Variants in GALNT2 observed in about 807,000 individuals in gnomAD.
GALNT2 encodes the protein polypeptide N-acetylgalactosaminyltransferase 2.
Under a neutral mutation model 81.4 loss-of-function variants are expected in GALNT2, and 31 were observed. The observed-to-expected ratio is 0.38, with a 90% CI of 0.29 to 0.51. The LOEUF (loss-of-function observed/expected upper bound fraction) is 0.51, where lower values mean the gene tolerates loss of function less well. Among genes scored for constraint, GALNT2 ranks in the 20% least tolerant of loss-of-function variants. GALNT2 has a pLI of 0.87. For missense variants in GALNT2, 629 were observed against 765.7 expected (o/e 0.82, Z 2.11); for synonymous variants, 303 against 287.4 (o/e 1.05, Z -0.55).
At chr1:230,214,408 G>A (rs975744821) in intron 3 of GALNT2, among the ~76,000 whole-genome samples, 1 of 152,080 alleles carries the variant, frequency 6.6e-6, no homozygotes, top group Non-Finnish European at 1.5e-5. Context: ...CACCACGCCC[G>A]GCTTACTTTT....
At chr1:230,130,457 G>C (rs1278044553) in intron 1 of GALNT2, among the ~76,000 whole-genome samples, 1 of 152,198 alleles carries the variant, frequency 6.6e-6, no homozygotes, top group Non-Finnish European at 1.5e-5. Context: ...GTTGTGAAGG[G>C]TTTGGGAGCC....
At chr1:230,107,486 G>A (rs951731728) in intron 1 of GALNT2, among the ~76,000 whole-genome samples, 3 of 152,054 alleles carry the variant, frequency 2.0e-5, no homozygotes, top group Non-Finnish European at 2.9e-5. Context: ...AGGCTGAGAC[G>A]GGAGCATTGC....
Position 230,243,577 on chromosome 1 carries a change from G to C in GALNT2, c.729+150G>C. On this transcript the variant is annotated intron_variant, in intron 7 of 15. Transcript: ENST00000366672. This position sits in a 1 kb window ranked among gnomAD's most constrained non-coding sequence, Gnocchi z 4.2. ...TCGCCGTCTGCAGTTTTCCTTGATA[G>C]AAGGAAAATGCCTTTGGGGCATTGT... is the stretch of plus-strand genomic sequence containing the variant. 5 of 967,140 alleles carry C rather than the reference G, an allele frequency of 5.2e-6. No homozygotes were observed. Among genetic ancestry groups the C allele is most frequent in the Non-Finnish European group, 7.2e-6 (5 of 690,756 alleles). 59.9% of individuals were successfully genotyped at this position (967,140 alleles called of 1,614,324 possible). A position where few individuals can be genotyped will look rare whatever the true frequency, so the allele number is the denominator to read the frequency against.
At chr1:230,060,148 A>G (rs1659010543) in intron 1 of GALNT2, among the ~76,000 whole-genome samples, 1 of 152,208 alleles carries the variant, frequency 6.6e-6, no homozygotes, top group Non-Finnish European at 1.5e-5. Flanking sequence ...GTCTTTCACA[A>G]TAGCCAAAGT....
At position 230,117,100 on chromosome 1, in the gene GALNT2, C is replaced by T. The variant is rs1044421998; in HGVS notation, c.126+49694C>T. On this transcript the variant is annotated intron_variant, in intron 1 of 15. Transcript: ENST00000366672. ...GCAGCTTCTCCATCAGCACTTGCTG[C>T]TTCACCTTGCACGTTTATGGTATGG... Among the ~76,000 whole-genome samples, 13 of 152,362 alleles carry T rather than the reference C, an allele frequency of 8.5e-5. No homozygotes were observed. The South Asian group carries it at 1.0e-3, about 12-fold the overall frequency.
At chr1:230,101,269 A>T (rs1185458925) in intron 1 of GALNT2, among the ~76,000 whole-genome samples, 1 of 152,252 alleles carries the variant, frequency 6.6e-6, no homozygotes, top group Non-Finnish European at 1.5e-5. Context: ...AATGTGTCAT[A>T]TGGCAAGGGT....
chr1:230,130,589 C>T (rs1273207477), intron 1 of GALNT2, among the ~76,000 whole-genome samples: 1 of 152,154 alleles, frequency 6.6e-6, no homozygotes, highest in African/African-American at 2.4e-5. Flanking sequence ...ACACCGGGCC[C>T]TGGGGACCGA....
chr1:230,058,674 A>T (rs1413082401), intron 1 of GALNT2, among the ~76,000 whole-genome samples: 1 of 152,244 alleles, frequency 6.6e-6, no homozygotes, highest in Non-Finnish European at 1.5e-5. Flanking sequence ...ATTAATGTTT[A>T]TATGTTCAGG....
chr1:230,117,816 A>G (rs900735186), intron 1 of GALNT2, among the ~76,000 whole-genome samples: 2 of 152,228 alleles, frequency 1.3e-5, no homozygotes, highest in Admixed American at 6.5e-5. Flanking sequence ...AAAAAATGGC[A>G]GTGATAGACT....
intron 9 of GALNT2, 84 bp from the exon 10 acceptor site, chr1:230,250,373 G>T (rs1665505766): frequency 2.1e-6 from 2 of 954,552 alleles, no homozygotes; most frequent in Non-Finnish European, 1.7e-6. Context: ...GGGAATCAAG[G>T]CTTGGCCTTG....
At chr1:230,111,147 GCATGCACACATGTACACAGCACA>G (rs1468875956) in intron 1 of GALNT2, among the ~76,000 whole-genome samples, 1 of 152,236 alleles carries the variant, frequency 6.6e-6, no homozygotes, top group Non-Finnish European at 1.5e-5. Context: ...GCGTATCTGT[GCATGCACACATGTACACAGCACA>G]CATGCACACA....
intron 1 of GALNT2, among the ~76,000 whole-genome samples, chr1:230,069,124 G>A (rs1363661223): frequency 6.6e-6 from 1 of 152,178 alleles, no homozygotes; most frequent in East Asian, 1.9e-4. Context: ...TAGTACACGT[G>A]ATTAGAAAGA....
chr1:230,215,330 G>A (rs999216955), intron 3 of GALNT2, among the ~76,000 whole-genome samples: 1 of 152,210 alleles, frequency 6.6e-6, no homozygotes, highest in Non-Finnish European at 1.5e-5. Flanking sequence ...TTGGCTCTAT[G>A]CCGTTTGAGG....
intron 3 of GALNT2, among the ~76,000 whole-genome samples, chr1:230,229,124 T>G (rs922025172): frequency 6.6e-6 from 1 of 152,134 alleles, no homozygotes; most frequent in Non-Finnish European, 1.5e-5. Context: ...AACTCAAAAT[T>G]AAAACGTAGG....
intron 1 of GALNT2, among the ~76,000 whole-genome samples, chr1:230,073,083 A>G (rs150653250): frequency 1.6e-4 from 25 of 152,288 alleles, no homozygotes; most frequent in African/African-American, 6.0e-4. Context: ...TGGTACTTCC[A>G]TATGCAAACC....
intron 3 of GALNT2, among the ~76,000 whole-genome samples, chr1:230,235,527 G>T (rs1334830270): frequency 6.6e-6 from 1 of 152,178 alleles, no homozygotes; most frequent in East Asian, 1.9e-4. Flanking sequence ...CCCAGGAAGG[G>T]AAAACCTCCA....
Position 230,227,797 on chromosome 1 carries a change from T to A in GALNT2, c.375-8217T>A, listed in dbSNP as rs149485485. Among the ~76,000 whole-genome samples, 331 of 152,294 alleles carry A rather than the reference T, an allele frequency of 2.2e-3. 1 individual carries two copies. The highest frequency in any genetic ancestry group is 7.7e-3 in the African/African-American group (320 of 41,544). On this transcript the variant is annotated intron_variant, in intron 3 of 15. Transcript: ENST00000366672. ...ACAAAGCTTAATGATAAAAATCTGC[T>A]TGTGTTCAATTTAAAGATAGGATCA...
At chr1:230,120,084 C>G (rs1212040621) in intron 1 of GALNT2, among the ~76,000 whole-genome samples, 12 of 151,124 alleles carry the variant, frequency 7.9e-5, no homozygotes, top group African/African-American at 2.9e-4. Flanking sequence ...CCCCTGTGCC[C>G]TCGGCACCTG....
At chr1:230,060,097 T>C (rs1659009023) in intron 1 of GALNT2, among the ~76,000 whole-genome samples, 1 of 152,248 alleles carries the variant, frequency 6.6e-6, no homozygotes. Context: ...ATCATGTCTC[T>C]TCAGGTCCAT....
Sources: gnomAD v4.1 joint callset for allele counts (sites outside exome capture counted in the v4.1 genomes callset) on GRCh38, gnomAD v4.1.1 for gene constraint, Gnocchi (gnomAD v3.1) non-coding constraint, MANE v1.5 for transcripts, NCBI Gene and HGNC (gene_info 2026-07-23, HGNC 2026-07-21) for gene names.